Variants in ASIC2 observed in about 807,000 individuals in gnomAD.
ASIC2 encodes the protein acid sensing ion channel subunit 2, also known as acid-sensing ion channel 2.
Under a neutral mutation model 57.3 loss-of-function variants are expected in ASIC2, and 25 were observed. The observed-to-expected ratio is 0.44, with a 90% CI of 0.32 to 0.61. The LOEUF (loss-of-function observed/expected upper bound fraction) is 0.61, where lower values mean the gene tolerates loss of function less well. Ranked by LOEUF, ASIC2 falls within the 20% of genes least tolerant of loss-of-function variation. ASIC2 has a pLI of 0.06. For synonymous variants in ASIC2, 319 were observed against 307.5 expected, an observed-to-expected ratio of 1.04 and a Z score of -0.39; for missense variants, 641 against 738.1, an observed-to-expected ratio of 0.87 and a Z score of 1.52.
intron 3 of ASIC2, among the ~76,000 whole-genome samples, chr17:33,050,393 C>CT (rs1475564404): frequency 6.6e-6 from 1 of 152,152 alleles, no homozygotes; most frequent in Non-Finnish European, 1.5e-5. Flanking sequence ...AATCCTGGCT[C>CT]TGGATGACCA....
chr17:33,128,953 G>C (rs1343317552), intron 1 of ASIC2, among the ~76,000 whole-genome samples: 1 of 152,188 alleles, frequency 6.6e-6, no homozygotes, highest in Non-Finnish European at 1.5e-5. Flanking sequence ...CATCCCTAAA[G>C]AGTGGGACTG....
intron 1 of ASIC2, among the ~76,000 whole-genome samples, chr17:33,738,709 G>A (rs1188800620): frequency 6.6e-6 from 1 of 152,120 alleles, no homozygotes; most frequent in Admixed American, 6.5e-5. Context: ...GGGTGGGGAC[G>A]TATAGGCAGA....
chr17:33,848,160 G>T (rs7219334), intron 1 of ASIC2, among the ~76,000 whole-genome samples: 1 of 152,078 alleles, frequency 6.6e-6, no homozygotes, highest in Admixed American at 6.6e-5. Context: ...CAACCAGAAG[G>T]GCAGCCCTAG....
chr17:33,029,721 AGTGG>A (rs1350654435), intron 3 of ASIC2, among the ~76,000 whole-genome samples: 5 of 152,238 alleles, frequency 3.3e-5, no homozygotes, highest in Non-Finnish European at 7.3e-5. Flanking sequence ...TGTTATCCAA[AGTGG>A]TTCTTCTATT....
At chr17:33,907,639 T>C (rs1216728716) in intron 1 of ASIC2, among the ~76,000 whole-genome samples, 2 of 152,178 alleles carry the variant, frequency 1.3e-5, no homozygotes, top group Non-Finnish European at 2.9e-5. Flanking sequence ...TCTGGAATTC[T>C]TTTCTTTCTT....
chr17:34,115,041 T>C (rs1379037584), intron 1 of ASIC2, among the ~76,000 whole-genome samples: 1 of 152,250 alleles, frequency 6.6e-6, no homozygotes, highest in African/African-American at 2.4e-5. Flanking sequence ...CTCATTTCAG[T>C]GACCAGTAAC....
chr17:33,018,460 G>A (rs1234722305), intron 7 of ASIC2, among the ~76,000 whole-genome samples: 3 of 152,242 alleles, frequency 2.0e-5, no homozygotes, highest in Admixed American at 6.5e-5. Flanking sequence ...TCTCCTGGGA[G>A]GACTTCAGAT....
At chr17:33,919,883 A>G (rs188093784) in intron 1 of ASIC2, among the ~76,000 whole-genome samples, 227 of 152,364 alleles carry the variant, frequency 1.5e-3, no homozygotes, top group Middle Eastern at 6.8e-3. Context: ...GCACTTCTCA[A>G]AAGAAGACAA....
At chr17:34,052,625 T>C (rs899620761) in intron 1 of ASIC2, among the ~76,000 whole-genome samples, 1 of 151,974 alleles carries the variant, frequency 6.6e-6, no homozygotes, top group African/African-American at 2.4e-5. Context: ...TCACTTTTTT[T>C]TTTTTTTTGA....
chr17:33,349,591 G>A (rs187993862), intron 1 of ASIC2, among the ~76,000 whole-genome samples: 29 of 152,250 alleles, frequency 1.9e-4, no homozygotes, highest in Non-Finnish European at 2.6e-4. Context: ...ACCCAAAGCC[G>A]AATCTATCCC....
chr17:33,938,912 C>G (rs1456268440), intron 1 of ASIC2, among the ~76,000 whole-genome samples: 1 of 152,212 alleles, frequency 6.6e-6, no homozygotes, highest in African/African-American at 2.4e-5. Context: ...TGCCTCTGTG[C>G]TCAGACTCTG....
intron 1 of ASIC2, chr17:34,001,681 C>T (rs1485327092): frequency 1.3e-5 from 2 of 152,242 alleles, no homozygotes; most frequent in Admixed American, 1.3e-4. Flanking sequence ...CACTCTTCTT[C>T]CCCCACATAG....
intron 1 of ASIC2, among the ~76,000 whole-genome samples, chr17:33,579,368 T>C (rs1264455019): frequency 6.6e-6 from 1 of 151,790 alleles, no homozygotes; most frequent in Non-Finnish European, 1.5e-5. Flanking sequence ...TTGGTATGTT[T>C]ACAAACCTCT....
intron 1 of ASIC2, among the ~76,000 whole-genome samples, chr17:33,836,525 C>T (rs1215971805): frequency 6.6e-6 from 1 of 152,064 alleles, no homozygotes; most frequent in Non-Finnish European, 1.5e-5. Flanking sequence ...TTATTATCCC[C>T]ATTTTATAGA....
At chr17:33,021,078 G>T in intron 7 of ASIC2, 141 bp downstream of exon 7, 2 of 620,092 alleles carry the variant, frequency 3.2e-6, no homozygotes, top group South Asian at 4.2e-5. Flanking sequence ...CAAGGAAACA[G>T]GGAGTAATTA....
At chr17:33,174,505 T>G (rs894197284) in intron 1 of ASIC2, among the ~76,000 whole-genome samples, 2 of 152,130 alleles carry the variant, frequency 1.3e-5, no homozygotes, top group African/African-American at 2.4e-5. Flanking sequence ...AGAGATGCTG[T>G]GTACATGCTA....
At chr17:33,138,191 A>T (rs899641607) in intron 1 of ASIC2, among the ~76,000 whole-genome samples, 1 of 152,132 alleles carries the variant, frequency 6.6e-6, no homozygotes, top group Non-Finnish European at 1.5e-5. Flanking sequence ...AGCTTTAGAT[A>T]CAAAGTGCCA....
chr17:34,045,843 G>T (rs562982150), intron 1 of ASIC2, among the ~76,000 whole-genome samples: 2 of 152,060 alleles, frequency 1.3e-5, no homozygotes, highest in African/African-American at 2.4e-5. Context: ...ACCATTCCTC[G>T]CATTAAAAGA....
chr17:33,456,621 G>A (rs1468323594), intron 1 of ASIC2, among the ~76,000 whole-genome samples: 2 of 152,194 alleles, frequency 1.3e-5, no homozygotes, highest in Admixed American at 6.5e-5. Context: ...TATGTGGTGG[G>A]TGGGGCATCT....
Sources: allele counts gnomAD v4.1 joint callset (sites outside exome capture counted in the v4.1 genomes callset), GRCh38; gene constraint gnomAD v4.1.1; transcripts MANE v1.5; gene names NCBI Gene and HGNC (gene_info 2026-07-23, HGNC 2026-07-21).